Variants in GUCY2D observed in about 807,000 individuals in gnomAD.
GUCY2D encodes the protein retinal guanylyl cyclase 1.
A neutral mutation model predicts 101.3 loss-of-function variants in GUCY2D; 70 were observed. That is an observed-to-expected ratio of 0.69 (90% CI 0.57 to 0.84). The LOEUF (loss-of-function observed/expected upper bound fraction) is 0.84, where lower values mean the gene tolerates loss of function less well. GUCY2D is among the 40% of genes least tolerant of loss of function. The pLI is 0.00. For synonymous variants in GUCY2D, 688 were observed against 670.7 expected (o/e 1.03, Z -0.40); for missense variants, 1,460 against 1,542.5 (o/e 0.95, Z 0.90).
chr17:8,004,324 C>A (rs545438074), intron 3 of GUCY2D, among the ~76,000 whole-genome samples, 168 bp downstream of exon 3: 4 of 152,146 alleles, frequency 2.6e-5, no homozygotes, highest in Non-Finnish European at 5.9e-5. Flanking sequence ...TCTTAGTGTA[C>A]GAGGATTGCC....
Position 8,003,224 on chromosome 17 carries a change from G to C in GUCY2D, c.177G>C (p.Leu59=), listed in dbSNP as rs1056763147. Reference sequence around the variant, plus strand: ...CCGCCGTGTTCACGGTGGGGGTCCTGGGCCCCTGGGCTTGCGACCCCATCT... The same window carrying C: ...CCGCCGTGTTCACGGTGGGGGTCCTCGGCCCCTGGGCTTGCGACCCCATCT... The part of the protein sequence containing the change: ...ALSAVFTVGV[L]GPWACDPIFS... Residue 59 remains leucine, a synonymous_variant, in exon 2 of 20, where the codon CTG becomes CTC. Coordinates refer to ENST00000254854, the MANE Select transcript of GUCY2D (RefSeq NM_000180.4). The C allele has an allele frequency of 1.3e-6, 2 of 1,518,734 alleles. No homozygotes were observed. Among genetic ancestry groups the C allele is most frequent in the Admixed American group, 2.0e-5 (1 of 48,954 alleles). The allele number at this position is 1,518,734 out of a possible 1,614,324, so 94.1% of individuals were successfully genotyped here.
At chr17:8,008,091 C>A in intron 7 of GUCY2D, 59 bp downstream of exon 7, 1 of 1,075,970 alleles carries the variant, frequency 9.3e-7, no homozygotes, top group Non-Finnish European at 1.4e-6. Flanking sequence ...AGGCCCTGGG[C>A]AGAGGGGAGG....
At position 8,003,071 on chromosome 17, in the gene GUCY2D, G is replaced by A. The variant is rs987666168; in HGVS notation, c.24G>A (p.Ala8=). The A allele has an allele frequency of 6.6e-7, 1 of 1,526,430 alleles. No individual in the cohort carries two copies. The highest frequency in any genetic ancestry group is 8.7e-7 in the Non-Finnish European group (1 of 1,143,342). The allele number at this position is 1,526,430 out of a possible 1,614,324, so 94.6% of individuals were successfully genotyped here. A position where few individuals can be genotyped will look rare whatever the true frequency, so the allele number is the denominator to read the frequency against. ...CAATGACCGCCTGCGCCCGCCGAGC[G>A]GGTGGGCTTCCGGACCCCGGGCTCT... MTACARR[A]GGLPDPGLCG... is the part of the protein sequence containing the mutation. The change falls in exon 2 of 20, where the codon GCG becomes GCA. Residue 8 remains alanine (A), a synonymous_variant. Transcript: ENST00000254854.
chr17:8,017,801 T>C (rs1215785097), intron 19 of GUCY2D, among the ~76,000 whole-genome samples: 1 of 152,126 alleles, frequency 6.6e-6, no homozygotes, highest in Non-Finnish European at 1.5e-5. Context: ...CAAGTGATTC[T>C]CCTACCTCAG....
At position 8,003,138 on chromosome 17, in the gene GUCY2D, C is replaced by T. The variant is rs1285350603; in HGVS notation, c.91C>T (p.Arg31Trp). The T allele has an allele frequency of 3.3e-6, 5 of 1,510,058 alleles. No individual in the cohort carries two copies. Among genetic ancestry groups the T allele is most frequent in the Non-Finnish European group, 4.4e-6 (5 of 1,134,816 alleles). The allele number at this position is 1,510,058 out of a possible 1,614,324, so 93.5% of individuals were successfully genotyped here. ...GGCTCCGTCCCTGCCCCGCCTCCCCCGGGCCCTGCCCCGGCTCCCGCTCCT... is the reference window on the plus strand; with the variant it reads ...GGCTCCGTCCCTGCCCCGCCTCCCCTGGGCCCTGCCCCGGCTCCCGCTCCT... ...WWAPSLPRLP[R>W]ALPRLPLLLL... Residue 31 changes from arginine (R) to tryptophan (W), a missense_variant, in exon 2 of 20, where the codon CGG becomes TGG. Around this residue, in one of 3 missense-constraint regions of GUCY2D, gnomAD observed 1,196 missense variants for 1,229.6 expected, o/e 0.97. Coordinates refer to ENST00000254854, the MANE Select transcript of GUCY2D (RefSeq NM_000180.4).
chr17:8,016,383 TG>T, intron 18 of GUCY2D, 59 bp from the exon 19 acceptor site: 1 of 1,440,754 alleles, frequency 6.9e-7, no homozygotes, highest in Non-Finnish European at 9.5e-7. Context: ...AGCGATGACG[TG>T]GGCCCTGCCC....
intron 17 of GUCY2D, 75 bp from the exon 18 acceptor site, chr17:8,016,130 G>C (rs968931085): frequency 9.0e-6 from 12 of 1,336,790 alleles, no homozygotes; most frequent in Non-Finnish European, 1.3e-5. Flanking sequence ...TGGTCTCCCA[G>C]TTCCACGCAG....
At position 8,015,455 on chromosome 17, in the gene GUCY2D, GC is replaced by G. The variant is rs61750183; in HGVS notation, c.2899del (p.His967IlefsTer11). 14 of 1,613,516 alleles carry G rather than the reference GC, an allele frequency of 8.7e-6. No homozygotes were observed. The highest frequency in any genetic ancestry group is 1.2e-5 in the Non-Finnish European group (14 of 1,179,902). On this transcript the variant is annotated frameshift_variant, in exon 15 of 20. Coordinates refer to ENST00000254854, the MANE Select transcript of GUCY2D (RefSeq NM_000180.4). LOFTEE classifies it high-confidence loss of function. Reference protein sequence around the residue: ...ILSAVGTFRMRHMPEVPVRIR... With the variant: ...ILSAVGTFRMXHMPEVPVRIR... ...AGTGCCGTGGGCACTTTCCGCATGC[GC>G]CATATGCCTGAGGTTCCCGTGCGCA... is the stretch of plus-strand genomic sequence containing the variant.
Position 8,016,260 on chromosome 17 carries a change from C to T in GUCY2D, c.3194C>T (p.Pro1065Leu), listed in dbSNP as rs1322730499. ...WLVGRRGFNK[P>L]IPKPPDLQPG... The stretch of plus-strand genomic sequence containing the variant: ...GTGGGCAGACGCGGCTTCAACAAGC[C>T]CATCCCCAAACCGCCTGACCTGCAA... The change falls in exon 18 of 20, where the codon CCC (proline) becomes CTC (leucine). Residue 1065 changes from proline (P) to leucine (L), a missense_variant. Coordinates refer to ENST00000254854, the MANE Select transcript of GUCY2D (RefSeq NM_000180.4). 6.3e-7 allele frequency: 1 copy of T among 1,583,596 alleles called. No homozygotes were observed. Among genetic ancestry groups the T allele is most frequent in the Non-Finnish European group, 8.6e-7 (1 of 1,165,362 alleles).
rs1301554038 is a variant in GUCY2D at position 8,016,529 on chromosome 17, G to A, written c.3311G>A (p.Ter1104=). The A allele has an allele frequency of 1.3e-6, 2 of 1,555,128 alleles. No homozygotes were observed. The highest frequency in any genetic ancestry group is 1.7e-6 in the Non-Finnish European group (2 of 1,148,988). ...LEKARPGQFS[*] is the part of the protein sequence containing the mutation. ...AAGGCGCGGCCGGGCCAGTTCTCTTGAGAAGTGAGGCCCGGCCCCGGACAG... is the reference window on the plus strand; with the variant it reads ...AAGGCGCGGCCGGGCCAGTTCTCTTAAGAAGTGAGGCCCGGCCCCGGACAG... The change falls in exon 19 of 20, where the codon TGA becomes TAA. Residue 1104 remains the stop codon, a stop_retained_variant. Transcript: ENST00000254854.
At chr17:8,005,471 G>A (rs1457768796) in intron 3 of GUCY2D, among the ~76,000 whole-genome samples, 4 of 152,102 alleles carry the variant, frequency 2.6e-5, no homozygotes, top group Non-Finnish European at 4.4e-5. Flanking sequence ...ATGAACTTCA[G>A]CCAGACCAAG....
In GUCY2D at chr17:8,012,562, T is replaced by C; in HGVS notation, c.2069T>C (p.Leu690Pro). The change falls in exon 10 of 20, where the codon CTG (leucine) becomes CCG (proline). Residue 690 changes from leucine to proline, a missense_variant. Transcript: ENST00000254854. ...ATCACTGACCACGGCCACGGGAGAC[T>C]GCTGGAAGCACAGAAGGTGCTACCG... ...LKITDHGHGR[L>P]LEAQKVLPEP... The C allele has an allele frequency of 6.2e-7, 1 of 1,613,978 alleles. No homozygotes were observed. Among genetic ancestry groups the C allele is most frequent in the Non-Finnish European group, 8.5e-7 (1 of 1,179,956 alleles).
intron 19 of GUCY2D, among the ~76,000 whole-genome samples, chr17:8,019,840 C>G (rs1455089656): frequency 6.6e-6 from 1 of 152,208 alleles, no homozygotes; most frequent in Non-Finnish European, 1.5e-5. Flanking sequence ...GTTCCTGTGG[C>G]CTGGGCAACT....
In GUCY2D at chr17:8,003,997, G is replaced by C; in HGVS notation, c.867G>C (p.Pro289=). 1 of 1,613,342 alleles carries C rather than the reference G, an allele frequency of 6.2e-7. No homozygotes were observed. The highest frequency in any genetic ancestry group is 8.5e-7 in the Non-Finnish European group (1 of 1,179,918). ...DTIHYALSPG[P]EALAALANSS... is the part of the protein sequence containing the mutation. ...TCCACTACGCCTTGTCCCCAGGCCC[G>C]GAGGCCTTGGCCGCACTCGCCAACA... is the stretch of plus-strand genomic sequence containing the variant. Residue 289 remains proline (P), a synonymous_variant, in exon 3 of 20, where the codon CCG becomes CCC. Transcript: ENST00000254854.
chr17:8,006,343 C>T lies in GUCY2D; in HGVS notation c.1027-20C>T, dbSNP rs1275683113. ...GTGGGCTGTGACCCCGACCTCTGAG[C>T]CCCTACTCTCCTTCTCCAGGTCTCC... On this transcript the variant is annotated intron_variant, in intron 3 of 19. Transcript: ENST00000254854. 1 of 1,581,732 alleles carries T rather than the reference C, an allele frequency of 6.3e-7. No homozygotes were observed. The highest frequency in any genetic ancestry group is 8.6e-7 in the Non-Finnish European group (1 of 1,163,538).
At position 8,004,134 on chromosome 17, in the gene GUCY2D, C is replaced by A. The variant is rs1975696542; in HGVS notation, c.1004C>A (p.Pro335His). The part of the protein sequence containing the change: ...LRRAQERREL[P>H]SDLNLQQVSP... ...AGGGCTCAAGAGCGCCGCGAGCTGC[C>A]CTCTGACCTCAATCTGCAGCAGGTA... The change falls in exon 3 of 20, where the codon CCC becomes CAC. Residue 335 changes from proline to histidine, a missense_variant. Coordinates refer to ENST00000254854, the MANE Select transcript of GUCY2D (RefSeq NM_000180.4). 3.1e-6 allele frequency: 5 copies of A among 1,594,214 alleles called. No homozygotes were observed. In the African/African-American group the frequency reaches 4.0e-5, roughly 13 times the overall value.
At chr17:8,016,898 A>G (rs12103521) in intron 19 of GUCY2D, 151,844 of 213,284 alleles carry the variant, frequency 0.71, 55,017 homozygotes, top group East Asian at 0.94. Context: ...GTCACCAGAG[A>G]ACAATGTGAA....
In GUCY2D at chr17:8,003,882, T is replaced by C. The variant is rs1243270832; in HGVS notation, c.752T>C (p.Leu251Pro). 1 of 1,613,062 alleles carries C rather than the reference T, an allele frequency of 6.2e-7. No homozygotes were observed. Among genetic ancestry groups the C allele is most frequent in the Non-Finnish European group, 8.5e-7 (1 of 1,179,780 alleles). The part of the protein sequence containing the change: ...AVIMVMHSVL[L>P]GGEEQRYLLE... Reference sequence around the variant, plus strand: ...ATCATGGTGATGCACTCGGTGCTGCTGGGTGGCGAGGAGCAGCGCTACCTC... The same window carrying C: ...ATCATGGTGATGCACTCGGTGCTGCCGGGTGGCGAGGAGCAGCGCTACCTC... Residue 251 changes from leucine (L) to proline (P), a missense_variant, in exon 3 of 20, where the codon CTG (leucine) becomes CCG (proline). By Grantham distance (98) the Leu-to-Pro change is moderately conservative (BLOSUM62 -3). Around this residue, in one of 3 missense-constraint regions of GUCY2D, gnomAD observed 1,196 missense variants for 1,229.6 expected, o/e 0.97. Coordinates refer to ENST00000254854, the MANE Select transcript of GUCY2D (RefSeq NM_000180.4).
intron 8 of GUCY2D, among the ~76,000 whole-genome samples, chr17:8,010,651 A>C (rs1451428809): frequency 1.3e-5 from 2 of 151,496 alleles, no homozygotes; most frequent in African/African-American, 2.4e-5. Flanking sequence ...CTAAAAATAC[A>C]AAAAAAATTA....
Sources: allele counts gnomAD v4.1 joint callset (sites outside exome capture counted in the v4.1 genomes callset), GRCh38; gene constraint gnomAD v4.1.1; regional missense constraint gnomAD v4.1.1; transcripts MANE v1.5; gene names NCBI Gene and HGNC (gene_info 2026-07-23, HGNC 2026-07-21).